The following ARHGAP24 variants were observed in gnomAD, a reference collection of about 807,000 sequenced individuals.
ARHGAP24 encodes the protein rho GTPase-activating protein 24.
In ARHGAP24, 50 loss-of-function variants were observed where a neutral mutation model predicts 76.4. The ratio of observed to expected loss-of-function variants is 0.65; its 90% confidence interval spans 0.52 to 0.83. The LOEUF (loss-of-function observed/expected upper bound fraction) is 0.83. Among genes scored for constraint, ARHGAP24 ranks in the 40% least tolerant of loss-of-function variants. The pLI is 0.00. For synonymous variants in ARHGAP24, 345 were observed against 323.3 expected (o/e 1.07, Z -0.72); for missense variants, 930 against 914.2 (o/e 1.02, Z -0.22).
intron 8 of ARHGAP24, among the ~76,000 whole-genome samples, chr4:85,983,825 G>A (rs150904999): frequency 7.2e-5 from 11 of 151,844 alleles, no homozygotes; most frequent in Admixed American, 2.6e-4. Flanking sequence ...ATTTTCTTAC[G>A]TCCACAAATA....
chr4:85,885,024 G>A (rs1733479695), intron 3 of ARHGAP24, among the ~76,000 whole-genome samples: 1 of 152,144 alleles, frequency 6.6e-6, no homozygotes, highest in Non-Finnish European at 1.5e-5. Context: ...TGCAAGAGTG[G>A]TCTGAAGTTA....
chr4:85,672,042 G>A (rs1000166448), intron 2 of ARHGAP24, among the ~76,000 whole-genome samples: 1 of 152,172 alleles, frequency 6.6e-6, no homozygotes, highest in Non-Finnish European at 1.5e-5. Context: ...ACACAACACA[G>A]TTTTCTGTTC....
At chr4:85,655,848 G>GAGAGAGAGAGAGAGAGAC (rs1560571885) in intron 2 of ARHGAP24, among the ~76,000 whole-genome samples, 3 of 67,628 alleles carry the variant, frequency 4.4e-5, no homozygotes, top group African/African-American at 1.8e-4. Context: ...GAGAGAGACA[G>GAGAGAGAGAGAGAGAGAC]AGAGGAAGTT....
At chr4:85,878,979 G>A (rs910107030) in intron 3 of ARHGAP24, among the ~76,000 whole-genome samples, 1 of 152,194 alleles carries the variant, frequency 6.6e-6, no homozygotes, top group Non-Finnish European at 1.5e-5. Context: ...TCTCCACTGA[G>A]CAATTCAACC....
chr4:85,781,764 T>A (rs1023182878), intron 3 of ARHGAP24, among the ~76,000 whole-genome samples: 12 of 152,130 alleles, frequency 7.9e-5, no homozygotes, highest in African/African-American at 2.9e-4. Context: ...CCAGGCATGG[T>A]GATTCACACC....
chr4:85,788,681 T>C (rs1221463261), intron 3 of ARHGAP24, among the ~76,000 whole-genome samples: 2 of 152,220 alleles, frequency 1.3e-5, no homozygotes, highest in Non-Finnish European at 2.9e-5. Context: ...TTTCCACTCC[T>C]TACCAGTGTT....
intron 3 of ARHGAP24, among the ~76,000 whole-genome samples, chr4:85,737,796 A>G (rs1725659070): frequency 6.6e-6 from 1 of 152,216 alleles, no homozygotes; most frequent in African/African-American, 2.4e-5. Flanking sequence ...GGGTTGATAT[A>G]AAGGCTCTAC....
In ARHGAP24 at chr4:85,636,174, G is replaced by A. The variant is rs562361597; in HGVS notation, c.180+65453G>A. On this transcript the variant is annotated intron_variant, in intron 2 of 9. Coordinates refer to ENST00000395184, the MANE Select transcript of ARHGAP24 (RefSeq NM_001025616.3). ...TTCCTTCTTTAGACTCCATCGTATT[G>A]CACTTTCCTTGTTTTTTTTTAACGC... Among the ~76,000 whole-genome samples, 7 of 151,514 alleles carry A rather than the reference G, an allele frequency of 4.6e-5. No individual in the cohort carries two copies. The South Asian group carries it at 1.0e-3, about 23-fold the overall frequency.
At chr4:85,637,604 A>G (rs1006734836) in intron 2 of ARHGAP24, among the ~76,000 whole-genome samples, 1 of 152,076 alleles carries the variant, frequency 6.6e-6, no homozygotes, top group Non-Finnish European at 1.5e-5. Context: ...GTATATTGGT[A>G]AAAGATACTT....
At chr4:85,570,455 G>A (rs1454924782) in intron 1 of ARHGAP24, 67 bp from the exon 2 acceptor site, 11 of 1,073,676 alleles carry the variant, frequency 1.0e-5, no homozygotes, top group African/African-American at 1.6e-5. Context: ...GGAGAAGAGT[G>A]GTTTAAAAGG....
rs551229042 is a variant in ARHGAP24 at position 85,831,482 on chromosome 4, A to T, written c.269-92166A>T. On this transcript the variant is annotated intron_variant, in intron 3 of 9. Transcript: ENST00000395184. ...TTGGCATGCTTTAAATATTTTTATG[A>T]TAAAGTATAAAACCAACTGGAGTGT... Among the ~76,000 whole-genome samples the T allele has an allele frequency of 2.2e-4, 33 of 152,354 alleles. No individual in the cohort carries two copies. The South Asian group carries it at 6.8e-3, about 32-fold the overall frequency.
chr4:85,801,014 A>G (rs1004229164), intron 3 of ARHGAP24, among the ~76,000 whole-genome samples: 13 of 152,224 alleles, frequency 8.5e-5, no homozygotes, highest in African/African-American at 3.1e-4. Flanking sequence ...TAAAAACACA[A>G]AGCTTGGTAC....
At chr4:85,488,897 T>A (rs929172728) in intron 1 of ARHGAP24, among the ~76,000 whole-genome samples, 2 of 152,224 alleles carry the variant, frequency 1.3e-5, no homozygotes, top group Non-Finnish European at 2.9e-5. Flanking sequence ...AGCATTTTTA[T>A]GGAGCTTAGA....
chr4:85,476,257 A>G (rs1295918525), intron 1 of ARHGAP24, among the ~76,000 whole-genome samples: 3 of 152,050 alleles, frequency 2.0e-5, no homozygotes, highest in Admixed American at 1.3e-4. Context: ...TTTTATACGT[A>G]CCCAAATAGA....
At chr4:85,958,532 A>G (rs1000178430) in intron 5 of ARHGAP24, among the ~76,000 whole-genome samples, 1 of 152,214 alleles carries the variant, frequency 6.6e-6, no homozygotes, top group Admixed American at 6.5e-5. Flanking sequence ...CTCTAAGATA[A>G]TTCCTACTGA....
chr4:85,795,048 G>A (rs148298925), intron 3 of ARHGAP24, among the ~76,000 whole-genome samples: 3 of 152,170 alleles, frequency 2.0e-5, no homozygotes, highest in Non-Finnish European at 4.4e-5. Context: ...TTCGGAATTC[G>A]TAGATAATCT....
chr4:85,487,743 A>T (rs1459985712), intron 1 of ARHGAP24, among the ~76,000 whole-genome samples: 11 of 103,772 alleles, frequency 1.1e-4, no homozygotes, highest in South Asian at 7.5e-4. Flanking sequence ...ATATTATATA[A>T]TATATATTTA....
chr4:86,000,926 C>T lies in ARHGAP24; in HGVS notation c.*204C>T. On this transcript the variant is annotated 3_prime_UTR_variant, in exon 10 of 10. Transcript: ENST00000395184. ...CCCATAATGCTACTGTCAAGTGTTA[C>T]AACTGGATATGTGTATATAGAGTAG... 1 of 710,484 alleles carries T rather than the reference C, an allele frequency of 1.4e-6. No homozygotes were observed. Among genetic ancestry groups the T allele is most frequent in the East Asian group, 2.8e-5 (1 of 35,738 alleles). The allele number at this position is 710,484 out of a possible 1,614,324, so 44.0% of individuals were successfully genotyped here. A position where few individuals can be genotyped will look rare whatever the true frequency, so the allele number is the denominator to read the frequency against.
At chr4:85,761,776 C>T (rs1726742342) in intron 3 of ARHGAP24, among the ~76,000 whole-genome samples, 1 of 152,150 alleles carries the variant, frequency 6.6e-6, no homozygotes, top group African/African-American at 2.4e-5. Flanking sequence ...CAAGGTGCAG[C>T]AGCTGAGGTG....
Sources: gnomAD v4.1 joint callset for allele counts (sites outside exome capture counted in the v4.1 genomes callset) on GRCh38, gnomAD v4.1.1 for gene constraint, MANE v1.5 for transcripts, NCBI Gene and HGNC (gene_info 2026-07-23, HGNC 2026-07-21) for gene names.